The following ZCCHC14 variants were observed in gnomAD, a reference collection of about 807,000 sequenced individuals.
The protein encoded by ZCCHC14 is zinc finger CCHC domain-containing protein 14.
In ZCCHC14, 16 loss-of-function variants were observed where a neutral mutation model predicts 85.0. That is an observed-to-expected ratio of 0.19 (90% CI 0.13 to 0.29). The LOEUF is 0.29. Ranked by LOEUF, ZCCHC14 falls within the 10% of genes least tolerant of loss-of-function variation. ZCCHC14 has a pLI of 1.00. For synonymous variants in ZCCHC14, 775 were observed against 630.7 expected (o/e 1.23, Z -3.43); for missense variants, 1,303 against 1,443.5 (o/e 0.90, Z 1.58).
intron 1 of ZCCHC14, among the ~76,000 whole-genome samples, chr16:87,482,996 C>T (rs1002078221): frequency 6.6e-6 from 1 of 151,188 alleles, no homozygotes; most frequent in African/African-American, 2.4e-5. Context: ...TGCATTATGA[C>T]ACAAAACCCA....
chr16:87,410,000 A>ACC lies in ZCCHC14; in HGVS notation c.*279_*280insGG. On this transcript the variant is annotated 3_prime_UTR_variant, in exon 13 of 13. Transcript: ENST00000671377. ...CAGTGATGGCAATGCTCTTCGGGAG[A>ACC]CATGGCGTCTCTGCACTGCAACCAA... 1 of 291,254 alleles carries ACC rather than the reference A, an allele frequency of 3.4e-6. No individual in the cohort carries two copies. The allele number at this position is 291,254 out of a possible 1,614,324, so 18.0% of individuals were successfully genotyped here. A position where few individuals can be genotyped will look rare whatever the true frequency, so the allele number is the denominator to read the frequency against.
intron 2 of ZCCHC14, among the ~76,000 whole-genome samples, chr16:87,455,973 A>G (rs1282018252): frequency 3.3e-5 from 5 of 152,210 alleles, no homozygotes; most frequent in Admixed American, 2.0e-4. Flanking sequence ...TATTCACTGC[A>G]TTGCAACTTG....
In ZCCHC14 at chr16:87,491,819, G is replaced by T. The variant is rs1350923229; in HGVS notation, c.420C>A (p.Ser140=). Residue 140 remains serine, a synonymous_variant, in exon 1 of 13, where the codon TCC becomes TCA. Coordinates refer to ENST00000671377, the MANE Select transcript of ZCCHC14 (RefSeq NM_015144.3). This position sits in a 1 kb window ranked among gnomAD's most constrained non-coding sequence, Gnocchi z 5.9. ...GGTGGAAGCTGAAGGCCGGGTGGTTGGAGGCCATGGTGAACAGCAGCAGGA... is the reference window on the plus strand; with the variant it reads ...GGTGGAAGCTGAAGGCCGGGTGGTTTGAGGCCATGGTGAACAGCAGCAGGA... ...DEFLLLFTMA[S]NHPAFSFHQK... The T allele has an allele frequency of 6.3e-7, 1 of 1,585,020 alleles. No homozygotes were observed. Among genetic ancestry groups the T allele is most frequent in the Admixed American group, 1.8e-5 (1 of 55,392 alleles).
intron 2 of ZCCHC14, among the ~76,000 whole-genome samples, chr16:87,447,268 G>GC (rs1466286685): frequency 6.6e-6 from 1 of 151,732 alleles, no homozygotes; most frequent in Non-Finnish European, 1.5e-5. Flanking sequence ...CTGCCAGACT[G>GC]CAAAGGGCCT....
chr16:87,489,047 C>T (rs1187589541), intron 1 of ZCCHC14, among the ~76,000 whole-genome samples: 2 of 152,176 alleles, frequency 1.3e-5, no homozygotes, highest in African/African-American at 2.4e-5. Context: ...ATACACCAAA[C>T]GTTAGATTTA....
At chr16:87,425,822 C>T (rs1447537249) in intron 3 of ZCCHC14, among the ~76,000 whole-genome samples, 1 of 152,188 alleles carries the variant, frequency 6.6e-6, no homozygotes, top group Non-Finnish European at 1.5e-5. Context: ...AACGTCTCCT[C>T]TGCACAGCTC....
intron 3 of ZCCHC14, among the ~76,000 whole-genome samples, chr16:87,424,121 C>T (rs1214867796): frequency 1.3e-5 from 2 of 152,238 alleles, no homozygotes; most frequent in Non-Finnish European, 2.9e-5. Flanking sequence ...CCAAATTACT[C>T]CAGAGTGGGG....
chr16:87,421,019 G>T (rs1909068239), intron 4 of ZCCHC14, among the ~76,000 whole-genome samples: 1 of 152,246 alleles, frequency 6.6e-6, no homozygotes, highest in African/African-American at 2.4e-5. Flanking sequence ...AACGGGACCT[G>T]CTCCCATGAC....
At chr16:87,451,296 A>C (rs78903434) in intron 2 of ZCCHC14, among the ~76,000 whole-genome samples, 1 of 151,510 alleles carries the variant, frequency 6.6e-6, no homozygotes, top group Non-Finnish European at 1.5e-5. Context: ...TCCCGGGTTC[A>C]AGCAACTCTC....
intron 1 of ZCCHC14, among the ~76,000 whole-genome samples, chr16:87,489,342 A>G (rs1912648630): frequency 6.6e-6 from 1 of 152,240 alleles, no homozygotes; most frequent in African/African-American, 2.4e-5. Flanking sequence ...AAACAAAAAA[A>G]TTGTCAGCTC....
chr16:87,477,672 A>C (rs1427936985), intron 1 of ZCCHC14, among the ~76,000 whole-genome samples: 1 of 152,170 alleles, frequency 6.6e-6, no homozygotes, highest in Non-Finnish European at 1.5e-5. Flanking sequence ...ACAAAAATAG[A>C]ACTTGACTCA....
intron 1 of ZCCHC14, among the ~76,000 whole-genome samples, chr16:87,461,989 C>T (rs945657269): frequency 4.6e-5 from 7 of 152,060 alleles, no homozygotes; most frequent in African/African-American, 7.2e-5. Flanking sequence ...AAAATAAGGC[C>T]GGGCGCAGCA....
At chr16:87,462,095 G>C (rs1433622711) in intron 1 of ZCCHC14, among the ~76,000 whole-genome samples, 2 of 141,696 alleles carry the variant, frequency 1.4e-5, no homozygotes, top group African/African-American at 5.4e-5. Flanking sequence ...GCGAGACCCT[G>C]TCTCTATTTA....
chr16:87,452,323 C>T (rs552539400), intron 2 of ZCCHC14, among the ~76,000 whole-genome samples: 22 of 152,290 alleles, frequency 1.4e-4, no homozygotes, highest in South Asian at 4.1e-4. Flanking sequence ...CAGCTCCATG[C>T]TGGGTGGGCG....
In ZCCHC14 at chr16:87,417,641, T is replaced by C. The variant is rs775106128; in HGVS notation, c.1202A>G (p.His401Arg). The C allele has an allele frequency of 1.2e-6, 2 of 1,613,846 alleles. No individual in the cohort carries two copies. Among genetic ancestry groups the C allele is most frequent in the East Asian group, 2.2e-5 (1 of 44,898 alleles). Residue 401 changes from histidine to arginine, a missense_variant, in exon 8 of 13, where the codon CAT (histidine) becomes CGT (arginine). By Grantham distance (29) the His-to-Arg change is conservative. This residue lies in a region of ZCCHC14 where 389 missense variants were observed against 397.8 expected (regional missense o/e 0.98). Coordinates refer to ENST00000671377, the MANE Select transcript of ZCCHC14 (RefSeq NM_015144.3). Reference protein sequence around the residue: ...GSAAPLPHCSHAGSAGSALAY... With the variant: ...GSAAPLPHCSRAGSAGSALAY... ...CAGGGCTGAGCCCGCGCTGCCCGCATGGGAGCAGTGAGGCAAGGGGGCGGC... is the reference window on the plus strand; with the variant it reads ...CAGGGCTGAGCCCGCGCTGCCCGCACGGGAGCAGTGAGGCAAGGGGGCGGC...
chr16:87,407,317 T>C lies in ZCCHC14; in HGVS notation c.*2963A>G, dbSNP rs1284572606. On this transcript the variant is annotated 3_prime_UTR_variant, in exon 13 of 13. Coordinates refer to ENST00000671377, the MANE Select transcript of ZCCHC14 (RefSeq NM_015144.3). ...ATCTTTTGGAGATGACAGATGATAC[T>C]GGTTTTTAAAATACCCAATCACATA... The C allele has an allele frequency of 6.6e-6, 1 of 152,274 alleles. No individual in the cohort carries two copies. The highest frequency in any genetic ancestry group is 2.4e-5 in the African/African-American group (1 of 41,476). 9.4% of individuals were successfully genotyped at this position (152,274 alleles called of 1,614,324 possible). A position where few individuals can be genotyped will look rare whatever the true frequency, so the allele number is the denominator to read the frequency against.
chr16:87,444,687 G>A (rs139118340), intron 2 of ZCCHC14, among the ~76,000 whole-genome samples: 1 of 152,320 alleles, frequency 6.6e-6, no homozygotes, highest in East Asian at 1.9e-4. Flanking sequence ...CCCAGATTGT[G>A]GGATGGTTGG....
intron 3 of ZCCHC14, among the ~76,000 whole-genome samples, chr16:87,432,866 C>T (rs1439242121): frequency 6.6e-6 from 1 of 152,200 alleles, no homozygotes; most frequent in East Asian, 1.9e-4. Context: ...TATTTAGCCC[C>T]CTGAGGTATG....
chr16:87,478,057 T>C (rs1352712925), intron 1 of ZCCHC14, among the ~76,000 whole-genome samples: 2 of 152,234 alleles, frequency 1.3e-5, no homozygotes, highest in Admixed American at 6.5e-5. Flanking sequence ...TCACCTCATA[T>C]CTTTATTAGC....
Sources: allele counts gnomAD v4.1 joint callset (sites outside exome capture counted in the v4.1 genomes callset), GRCh38; gene constraint gnomAD v4.1.1; regional missense constraint gnomAD v4.1.1; non-coding constraint Gnocchi (gnomAD v3.1); transcripts MANE v1.5; gene names NCBI Gene and HGNC (gene_info 2026-07-23, HGNC 2026-07-21).